Variants in BACH2 observed in about 807,000 individuals in gnomAD.
BACH2 encodes transcription regulator protein BACH2.
In BACH2, 5 loss-of-function variants were observed where a neutral mutation model predicts 61.8. That is an observed-to-expected ratio of 0.08 (90% CI 0.04 to 0.17). BACH2 has a LOEUF of 0.17. BACH2 is among the 10% of genes least tolerant of loss of function. The pLI, the probability that BACH2 is intolerant of heterozygous loss-of-function variation, is 1.00. For synonymous variants in BACH2, 446 were observed against 440.1 expected (o/e 1.01, Z -0.17); for missense variants, 824 against 1,091.1 (o/e 0.76, Z 3.45).
At chr6:90,076,155 T>TC (rs1781463019) in intron 5 of BACH2, among the ~76,000 whole-genome samples, 1 of 152,202 alleles carries the variant, frequency 6.6e-6, no homozygotes, top group Admixed American at 6.5e-5. Flanking sequence ...ACAATCTGTT[T>TC]CCCTTAGGGA....
chr6:90,282,260 A>C (rs2127887271), intron 1 of BACH2, among the ~76,000 whole-genome samples: 1 of 152,168 alleles, frequency 6.6e-6, no homozygotes, highest in East Asian at 1.9e-4. Flanking sequence ...TTCATCACTC[A>C]GGTATTAGGC....
intron 4 of BACH2, among the ~76,000 whole-genome samples, chr6:90,199,515 C>T (rs908351718): frequency 6.6e-6 from 1 of 152,148 alleles, no homozygotes; most frequent in Non-Finnish European, 1.5e-5. Context: ...CATGCCAAAT[C>T]GACCCTCTAC....
At chr6:90,123,337 G>C (rs192220791) in intron 4 of BACH2, among the ~76,000 whole-genome samples, 68 of 152,316 alleles carry the variant, frequency 4.5e-4, no homozygotes, top group African/African-American at 1.5e-3. Flanking sequence ...TGGAGGAAGT[G>C]TGGCCCTGAA....
intron 4 of BACH2, among the ~76,000 whole-genome samples, chr6:90,169,775 C>T (rs547884519): frequency 1.1e-4 from 16 of 152,302 alleles, no homozygotes; most frequent in African/African-American, 3.6e-4. Context: ...TCAGTTTTTG[C>T]ACTAAAGAAA....
chr6:90,282,956 C>T (rs1484873694), intron 1 of BACH2, among the ~76,000 whole-genome samples: 1 of 152,180 alleles, frequency 6.6e-6, no homozygotes, highest in East Asian at 1.9e-4. Flanking sequence ...TATAATTGTA[C>T]CAAGTTAGAC....
chr6:90,229,527 AG>A (rs1770026894), intron 3 of BACH2, among the ~76,000 whole-genome samples: 1 of 152,182 alleles, frequency 6.6e-6, no homozygotes, highest in Non-Finnish European at 1.5e-5. Context: ...AAAGATCCCC[AG>A]GAGATTCTAA....
At chr6:90,240,067 T>A (rs1770393790) in intron 3 of BACH2, among the ~76,000 whole-genome samples, 1 of 152,128 alleles carries the variant, frequency 6.6e-6, no homozygotes, top group Non-Finnish European at 1.5e-5. Context: ...ACAGATATAT[T>A]TTATTATTTG....
At chr6:90,279,297 C>T (rs1360361847) in intron 1 of BACH2, among the ~76,000 whole-genome samples, 4 of 151,750 alleles carry the variant, frequency 2.6e-5, no homozygotes, top group East Asian at 1.9e-4. Context: ...CTGAGGTGGG[C>T]GGATCACCTG....
rs539771468 is a variant in BACH2, at chr6:90,250,536, C to A, written c.-275+1977G>T. On this transcript the variant is annotated intron_variant, in intron 3 of 8. Transcript: ENST00000257749. ...TTCATTCGACAGATATTGATTGAGCCCTGTTATGGGCCAGATGCTGATTGT... is the reference window on the plus strand; with the variant it reads ...TTCATTCGACAGATATTGATTGAGCACTGTTATGGGCCAGATGCTGATTGT... Among the ~76,000 whole-genome samples the A allele has an allele frequency of 5.3e-5, 8 of 152,214 alleles. 1 individual carries two copies. In the South Asian group the frequency reaches 1.7e-3, roughly 32 times the overall value.
chr6:90,239,796 A>G (rs928223013), intron 3 of BACH2, among the ~76,000 whole-genome samples: 421 of 90,538 alleles, frequency 4.6e-3, no homozygotes, highest in Non-Finnish European at 6.7e-3. Flanking sequence ...AGGGGGGGGG[A>G]ATACACACAC....
In BACH2 at chr6:89,927,329, G is replaced by C. The variant is rs1210436969; in HGVS notation, c.*5079C>G. On this transcript the variant is annotated 3_prime_UTR_variant, in exon 9 of 9. Coordinates refer to ENST00000257749, the MANE Select transcript of BACH2 (RefSeq NM_021813.4). ...ATACATTGTTAGGACTTAAGGGGAG[G>C]TCATAGTTCTGCCTCCAAACATGTT... 3 of 152,814 alleles carry C rather than the reference G, an allele frequency of 2.0e-5. No homozygotes were observed. Among genetic ancestry groups the C allele is most frequent in the Non-Finnish European group, 4.4e-5 (3 of 68,052 alleles). The allele number at this position is 152,814 out of a possible 1,614,324, so 9.5% of individuals were successfully genotyped here.
At chr6:90,244,975 C>T (rs978137670) in intron 3 of BACH2, among the ~76,000 whole-genome samples, 6 of 152,172 alleles carry the variant, frequency 3.9e-5, no homozygotes, top group Admixed American at 6.5e-5. Flanking sequence ...GGGCAGATCA[C>T]CTGAGGTCAG....
In BACH2 at chr6:90,292,085, T is replaced by C. The variant is rs970511939; in HGVS notation, c.-446+4395A>G. ...GTGAGGGCAGGGACCATGTTCTCTG[T>C]ATGTCACAGTCCTACACCATGCCCA... On this transcript the variant is annotated intron_variant, in intron 1 of 8. Transcript: ENST00000257749. Among the ~76,000 whole-genome samples, 8 of 152,350 alleles carry C rather than the reference T, an allele frequency of 5.3e-5. 1 individual carries two copies. In the South Asian group the frequency reaches 1.5e-3, roughly 28 times the overall value.
At chr6:90,234,048 G>C (rs966714743) in intron 3 of BACH2, among the ~76,000 whole-genome samples, 1 of 152,170 alleles carries the variant, frequency 6.6e-6, no homozygotes, top group Non-Finnish European at 1.5e-5. Flanking sequence ...CACAGGATGA[G>C]AACACTCTCG....
At chr6:90,019,210 AAGT>A (rs1427107590) in intron 5 of BACH2, among the ~76,000 whole-genome samples, 4 of 152,360 alleles carry the variant, frequency 2.6e-5, no homozygotes, top group Admixed American at 6.5e-5. Context: ...AATTCATAAA[AAGT>A]AGGAGATTTA....
chr6:90,174,822 A>G (rs1490884643), intron 4 of BACH2, among the ~76,000 whole-genome samples: 1 of 152,110 alleles, frequency 6.6e-6, no homozygotes, highest in Non-Finnish European at 1.5e-5. Context: ...AATAATCAGT[A>G]TGATTCTATT....
At chr6:89,960,365 C>T (rs575504950) in intron 6 of BACH2, among the ~76,000 whole-genome samples, 11 of 152,312 alleles carry the variant, frequency 7.2e-5, no homozygotes, top group East Asian at 1.9e-4. Context: ...GTCTTCCGAC[C>T]GCAGAGTTCA....
intron 4 of BACH2, among the ~76,000 whole-genome samples, chr6:90,150,950 A>T (rs952708774): frequency 9.2e-5 from 14 of 152,174 alleles, no homozygotes; most frequent in Admixed American, 3.3e-4. Context: ...GTCACTGTAT[A>T]ATTCACCATT....
intron 4 of BACH2, among the ~76,000 whole-genome samples, chr6:90,168,524 G>A (rs1254347747): frequency 1.3e-5 from 2 of 152,140 alleles, no homozygotes; most frequent in Non-Finnish European, 2.9e-5. Flanking sequence ...AAAAATATGT[G>A]TGGTTGTATA....
Sources: gnomAD v4.1 joint callset for allele counts (sites outside exome capture counted in the v4.1 genomes callset) on GRCh38, gnomAD v4.1.1 for gene constraint, MANE v1.5 for transcripts, NCBI Gene and HGNC (gene_info 2026-07-23, HGNC 2026-07-21) for gene names.